The following RAB44 variants were observed in gnomAD, a reference collection of about 807,000 sequenced individuals.
RAB44 encodes RAB44, member RAS oncogene family.
Under a neutral mutation model 93.3 loss-of-function variants are expected in RAB44, and 67 were observed. The observed-to-expected ratio is 0.72, with a 90% CI of 0.59 to 0.88. The LOEUF is 0.88. Among genes scored for constraint, RAB44 ranks in the 40% least tolerant of loss-of-function variants. RAB44 has a pLI of 0.00. For missense variants in RAB44, 1,064 were observed against 1,261.7 expected (o/e 0.84, Z 2.37); for synonymous variants, 427 against 520.3 (o/e 0.82, Z 2.44).
intron 1 of RAB44, among the ~76,000 whole-genome samples, chr6:36,698,418 C>G (rs1185639618): frequency 7.2e-5 from 11 of 152,178 alleles, no homozygotes. Flanking sequence ...GCTGCCCCAC[C>G]CCACTCTTCT....
chr6:36,700,885 AG>A (rs947578919), intron 1 of RAB44, among the ~76,000 whole-genome samples: 6 of 152,158 alleles, frequency 3.9e-5, no homozygotes, highest in Non-Finnish European at 8.8e-5. Flanking sequence ...CTCCCCTCTT[AG>A]GGGGGATGGG....
chr6:36,701,943 A>G (rs1182206547), intron 1 of RAB44, among the ~76,000 whole-genome samples: 1 of 148,968 alleles, frequency 6.7e-6, no homozygotes. Context: ...CACTTAAAGG[A>G]AACATATGGA....
In RAB44 at chr6:36,731,711, G is replaced by T. The variant is rs1285649420; in HGVS notation, c.2976-292G>T. Among the ~76,000 whole-genome samples the T allele has an allele frequency of 2.0e-5, 3 of 152,194 alleles. No homozygotes were observed. The highest frequency in any genetic ancestry group is 2.1e-4 in the South Asian group (1 of 4,816). On this transcript the variant is annotated intron_variant, in intron 13 of 13. Coordinates refer to ENST00000612677, the MANE Select transcript of RAB44 (RefSeq NM_001257357.2). The surrounding 1 kb of genome is among the most constrained non-coding windows in gnomAD (Gnocchi z 4.0). ...CCTGTGTGCCTCCCCATCATTCCCG[G>T]GCTGCAGTCACCCCTTTTCCTGTCT... is the stretch of plus-strand genomic sequence containing the variant.
rs201180059 is a variant in RAB44 at position 36,705,127 on chromosome 6, AG to A, written c.207+686del. 1.0e-3 allele frequency among the ~76,000 whole-genome samples: 133 copies of A among 128,080 alleles called. 1 individual carries two copies. Among genetic ancestry groups the A allele is most frequent in the Middle Eastern group, 4.0e-3 (1 of 250 alleles). 84.0% of individuals were successfully genotyped at this position (128,080 alleles called of 152,430 possible). On this transcript the variant is annotated intron_variant, in intron 2 of 13. Coordinates refer to ENST00000612677, the MANE Select transcript of RAB44 (RefSeq NM_001257357.2). ...CTCCATCTCAAAAAAAAAAAAAAAA[AG>A]AAGAATGAGGGAACCAGTAAGATGT... is the stretch of plus-strand genomic sequence containing the variant.
chr6:36,702,656 T>C (rs1762543328), intron 1 of RAB44, among the ~76,000 whole-genome samples: 1 of 152,192 alleles, frequency 6.6e-6, no homozygotes, highest in African/African-American at 2.4e-5. Context: ...CTGCAGAACC[T>C]GCACAAGCCC....
In RAB44 at chr6:36,717,440, G is replaced by A. The variant is rs1199675704; in HGVS notation, c.641+21G>A. On this transcript the variant is annotated intron_variant, in intron 5 of 13. Transcript: ENST00000612677. The surrounding 1 kb of genome is among the most constrained non-coding windows in gnomAD (Gnocchi z 4.1). ...AGGAAGTGAGTGGGGGGCCTGGCCG[G>A]GTGTCTGATACGAAGTAGGTGCTCT... 5.7e-6 allele frequency: 7 copies of A among 1,231,828 alleles called. No homozygotes were observed. The East Asian group carries it at 2.2e-4, about 39-fold the overall frequency. 76.3% of individuals were successfully genotyped at this position (1,231,828 alleles called of 1,614,324 possible).
intron 1 of RAB44, among the ~76,000 whole-genome samples, chr6:36,701,480 G>T (rs1762506946): frequency 6.6e-6 from 1 of 152,158 alleles, no homozygotes; most frequent in South Asian, 2.1e-4. Context: ...ATCAGCAGAG[G>T]AAGTGGGTTG....
chr6:36,720,221 C>A, intron 7 of RAB44, 142 bp from the exon 8 acceptor site: 1 of 616,598 alleles, frequency 1.6e-6, no homozygotes, highest in Non-Finnish European at 2.3e-6. Context: ...GAGGGATAAC[C>A]GCCCACCACT....
intron 7 of RAB44, among the ~76,000 whole-genome samples, chr6:36,719,398 G>T (rs544221318): frequency 5.7e-4 from 87 of 152,246 alleles, no homozygotes; most frequent in African/African-American, 1.8e-3. Flanking sequence ...GGGCCATTTC[G>T]TCCTGTCCCC....
intron 2 of RAB44, among the ~76,000 whole-genome samples, chr6:36,708,751 C>T (rs1469429033): frequency 1.3e-5 from 2 of 151,992 alleles, no homozygotes; most frequent in Non-Finnish European, 2.9e-5. Flanking sequence ...GATAGGGAAT[C>T]TCTGTTATCT....
intron 8 of RAB44, 102 bp downstream of exon 8, chr6:36,720,652 A>G (rs1763051418): frequency 1.1e-6 from 1 of 884,552 alleles, no homozygotes; most frequent in Non-Finnish European, 1.5e-6. Context: ...CACAGTGCAC[A>G]CATAGACTCC....
rs1459257073 is a variant in RAB44 at position 36,731,208 on chromosome 6, C to A, written c.2975+459C>A. On this transcript the variant is annotated intron_variant, in intron 13 of 13. Transcript: ENST00000612677. The surrounding 1 kb of genome is among the most constrained non-coding windows in gnomAD (Gnocchi z 4.0). ...TTACACACACTCACACTCACACACA[C>A]ACACTTGCCAAGTTCCAGCCACTCA... 6.6e-6 allele frequency among the ~76,000 whole-genome samples: 1 copy of A among 152,062 alleles called. No individual in the cohort carries two copies. Among genetic ancestry groups the A allele is most frequent in the East Asian group, 1.9e-4 (1 of 5,178 alleles).
In RAB44 at chr6:36,720,516, G is replaced by T. The variant is rs1379258901; in HGVS notation, c.982G>T (p.Gly328Cys). The T allele has an allele frequency of 7.3e-6, 9 of 1,233,802 alleles. No homozygotes were observed. The highest frequency in any genetic ancestry group is 8.1e-6 in the Non-Finnish European group (8 of 988,276). The allele number at this position is 1,233,802 out of a possible 1,614,324, so 76.4% of individuals were successfully genotyped here. A position where few individuals can be genotyped will look rare whatever the true frequency, so the allele number is the denominator to read the frequency against. Reference protein sequence around the residue: ...VTRGRLDAARGRVSWQVEEKL... With the variant: ...VTRGRLDAARCRVSWQVEEKL... ...CAGGGGGCGCCTGGACGCCGCCAGG[G>T]GCCGGGTGTCCTGGCAGGTGGAGGA... Residue 328 changes from glycine (G) to cysteine (C), a missense_variant, in exon 8 of 14, where the codon GGC becomes TGC. Physicochemically the swap from Gly to Cys is radical, Grantham distance 159. Transcript: ENST00000612677.
chr6:36,722,784 G>A (rs1763130260), intron 9 of RAB44, 51 bp downstream of exon 9: 1 of 1,544,976 alleles, frequency 6.5e-7, no homozygotes, highest in Non-Finnish European at 8.7e-7. Flanking sequence ...GCAGGGGCCA[G>A]GGCCAACGAG....
At chr6:36,702,113 T>C (rs1471128853) in intron 1 of RAB44, among the ~76,000 whole-genome samples, 1 of 152,152 alleles carries the variant, frequency 6.6e-6, no homozygotes, top group South Asian at 2.1e-4. Context: ...GGAGACCTGA[T>C]TCATGGCATT....
At chr6:36,718,675 C>G (rs1762990214) in intron 7 of RAB44, 87 bp downstream of exon 7, 1 of 592,540 alleles carries the variant, frequency 1.7e-6, no homozygotes, top group Non-Finnish European at 2.5e-6. Flanking sequence ...ACATGGAAAT[C>G]AGAACTCCTG....
At position 36,704,314 on chromosome 6, in the gene RAB44, G is replaced by A; in HGVS notation, c.79G>A (p.Asp27Asn). The change falls in exon 2 of 14, where the codon GAT (aspartate) becomes AAT (asparagine). Residue 27 changes from aspartate to asparagine, a missense_variant. Physicochemically the swap from Asp to Asn is conservative, Grantham distance 23. Coordinates refer to ENST00000612677, the MANE Select transcript of RAB44 (RefSeq NM_001257357.2). ...GCGGCGGCAGACAAGAGAGCCAGCT[G>A]ATGGTGAAGGCGCTGCAGTGGCCCC... The part of the protein sequence containing the change: ...NRRRQTREPA[D>N]GEGAAVAPEP... 6.5e-7 allele frequency: 1 copy of A among 1,536,168 alleles called. No individual in the cohort carries two copies. The highest frequency in any genetic ancestry group is 2.4e-5 in the East Asian group (1 of 40,924).
intron 6 of RAB44, 144 bp downstream of exon 6, chr6:36,718,262 C>A: frequency 1.9e-6 from 1 of 528,120 alleles, no homozygotes; most frequent in Non-Finnish European, 2.9e-6. Flanking sequence ...CTGGTGTTCC[C>A]CAGAGAGACG....
At chr6:36,722,794 G>A (rs763892298) in intron 9 of RAB44, 61 bp downstream of exon 9, 7 of 1,538,580 alleles carry the variant, frequency 4.5e-6, no homozygotes, top group Non-Finnish European at 5.3e-6. Context: ...GGGCCAACGA[G>A]TGAGAGCGGG....
Sources: gnomAD v4.1 joint callset for allele counts (sites outside exome capture counted in the v4.1 genomes callset) on GRCh38, gnomAD v4.1.1 for gene constraint, Gnocchi (gnomAD v3.1) non-coding constraint, MANE v1.5 for transcripts, NCBI Gene and HGNC (gene_info 2026-07-23, HGNC 2026-07-21) for gene names.